MCTP2: variants seen among roughly 807,000 people sequenced by gnomAD.
MCTP2 encodes the protein multiple C2 and transmembrane domain-containing protein 2.
Under a neutral mutation model 111.6 loss-of-function variants are expected in MCTP2, and 132 were observed. The observed-to-expected ratio is 1.18, with a 90% CI of 1.03 to 1.37. MCTP2 has a LOEUF of 1.37. Ranked by LOEUF, MCTP2 falls within the 40% of genes most tolerant of loss-of-function variation. The pLI, the probability that MCTP2 is intolerant of heterozygous loss-of-function variation, is 0.00. For missense variants in MCTP2, 1,183 were observed against 1,067.9 expected, an observed-to-expected ratio of 1.11 and a Z score of -1.50; for synonymous variants, 395 against 387.7, an observed-to-expected ratio of 1.02 and a Z score of -0.22.
chr15:94,406,377 T>C (rs2081896546), intron 17 of MCTP2, among the ~76,000 whole-genome samples: 2 of 152,230 alleles, frequency 1.3e-5, no homozygotes, highest in South Asian at 4.1e-4. Context: ...CCTTCAGCTA[T>C]TCTGCCTCTC....
rs759354738 is a variant in MCTP2 at position 94,409,277 on chromosome 15, G to A, written c.2085+7258G>A. Reference sequence around the variant, plus strand: ...TGGTTGCCTCCTGCCCTTGAACATCGGACTCCGAGTTCTTCAGTTGAGGAA... The same window carrying A: ...TGGTTGCCTCCTGCCCTTGAACATCAGACTCCGAGTTCTTCAGTTGAGGAA... On this transcript the variant is annotated intron_variant, in intron 17 of 22. Transcript: ENST00000357742. 4.2e-4 allele frequency among the ~76,000 whole-genome samples: 64 copies of A among 152,054 alleles called. 1 individual carries two copies. The highest frequency in any genetic ancestry group is 1.7e-3 in the Admixed American group (26 of 15,270).
Position 94,306,714 on chromosome 15 carries a change from G to A in MCTP2, c.466-7568G>A, listed in dbSNP as rs74316373. ...ATAATCCATGAAATTCCACAATGGG[G>A]TATGTCCTTCCCTGACATTTCATTT... On this transcript the variant is annotated intron_variant, in intron 2 of 22. Coordinates refer to ENST00000357742, the MANE Select transcript of MCTP2 (RefSeq NM_001385001.1). Among the ~76,000 whole-genome samples, 1,445 of 152,274 alleles carry A rather than the reference G, an allele frequency of 9.5e-3. 33 individuals are homozygous for A. The highest frequency in any genetic ancestry group is 0.033 in the African/African-American group (1,357 of 41,528).
At chr15:94,288,396 T>C (rs753796227) in intron 1 of MCTP2, among the ~76,000 whole-genome samples, 16 of 152,194 alleles carry the variant, frequency 1.1e-4, no homozygotes, top group Non-Finnish European at 2.2e-4. Context: ...AGAATGGAGT[T>C]AATGGGTGGA....
chr15:94,362,771 A>G (rs1359200124), intron 10 of MCTP2, among the ~76,000 whole-genome samples: 2 of 152,236 alleles, frequency 1.3e-5, no homozygotes, highest in Admixed American at 1.3e-4. Flanking sequence ...CTATCATGGC[A>G]AGTAAAACTT....
chr15:94,376,851 G>A (rs1215618880), intron 12 of MCTP2, among the ~76,000 whole-genome samples: 1 of 152,098 alleles, frequency 6.6e-6, no homozygotes, highest in South Asian at 2.1e-4. Flanking sequence ...CTACTTTTGT[G>A]CTTGAATTTT....
intron 21 of MCTP2, among the ~76,000 whole-genome samples, chr15:94,472,794 A>C (rs1443844663): frequency 2.0e-5 from 3 of 152,200 alleles, no homozygotes; most frequent in Admixed American, 2.0e-4. Flanking sequence ...GCCATCCTAG[A>C]ATATATTCTG....
At chr15:94,261,786 G>A (rs934488692) in intron 1 of MCTP2, among the ~76,000 whole-genome samples, 1 of 152,094 alleles carries the variant, frequency 6.6e-6, no homozygotes, top group Non-Finnish European at 1.5e-5. Flanking sequence ...CAAAACCCCT[G>A]CTTGGCTGAT....
intron 4 of MCTP2, among the ~76,000 whole-genome samples, chr15:94,316,781 G>T (rs2076396135): frequency 6.6e-6 from 1 of 151,678 alleles, no homozygotes; most frequent in East Asian, 1.9e-4. Flanking sequence ...TTTTCTTTAT[G>T]ATATTTATTT....
intron 17 of MCTP2, among the ~76,000 whole-genome samples, chr15:94,411,284 CTT>C (rs111921100): frequency 1.8e-4 from 25 of 139,250 alleles, no homozygotes; most frequent in African/African-American, 5.3e-4. Flanking sequence ...TTTGATATTG[CTT>C]TTTTTTTTTT....
chr15:94,316,421 T>C (rs1463018347), intron 4 of MCTP2, among the ~76,000 whole-genome samples: 1 of 152,180 alleles, frequency 6.6e-6, no homozygotes, highest in African/African-American at 2.4e-5. Flanking sequence ...GAGCAGACAG[T>C]TGAGCTAGAC....
At chr15:94,281,838 A>G (rs1186291397) in intron 1 of MCTP2, among the ~76,000 whole-genome samples, 3 of 152,104 alleles carry the variant, frequency 2.0e-5, no homozygotes, top group Non-Finnish European at 1.5e-5. Flanking sequence ...TGGATATGAC[A>G]TTCTTGGTTG....
At chr15:94,478,876 G>C (rs371356414) in intron 22 of MCTP2, 90 bp from the exon 23 acceptor site, 2 of 1,054,186 alleles carry the variant, frequency 1.9e-6, no homozygotes, top group Non-Finnish European at 2.9e-6. Flanking sequence ...TCCTTCCTTT[G>C]CCTTCGGTTG....
intron 2 of MCTP2, among the ~76,000 whole-genome samples, chr15:94,312,846 G>A (rs1419461780): frequency 6.6e-6 from 1 of 152,134 alleles, no homozygotes; most frequent in African/African-American, 2.4e-5. Context: ...TTTCTCGTGG[G>A]TGCTGAAGAT....
Position 94,345,160 on chromosome 15 carries a change from G to C in MCTP2, c.1001G>C (p.Ser334Thr), listed in dbSNP as rs746383091. 1 of 1,612,048 alleles carries C rather than the reference G, an allele frequency of 6.2e-7. No homozygotes were observed. The highest frequency in any genetic ancestry group is 8.5e-7 in the Non-Finnish European group (1 of 1,178,696). ...RWSNRKRLSA[S>T]KSSLIRNLRL... ...TCAAATCGGAAGCGATTAAGTGCCA[G>C]CAAGGTAAATATACTTTTTTTTCCT... Residue 334 changes from serine to threonine, a missense_variant, in exon 8 of 23, where the codon AGC becomes ACC. By Grantham distance (58) the Ser-to-Thr change is moderately conservative. Transcript: ENST00000357742.
intron 4 of MCTP2, among the ~76,000 whole-genome samples, chr15:94,326,512 G>C (rs1276114653): frequency 6.6e-6 from 1 of 151,942 alleles, no homozygotes; most frequent in Non-Finnish European, 1.5e-5. Flanking sequence ...ACCTACTGGT[G>C]TGTGAAAGTG....
intron 1 of MCTP2, among the ~76,000 whole-genome samples, chr15:94,266,069 T>C (rs1230507731): frequency 1.4e-5 from 1 of 73,374 alleles, no homozygotes; most frequent in Non-Finnish European, 2.4e-5. Context: ...TACACGTGCA[T>C]GCGTGTGCGC....
intron 17 of MCTP2, among the ~76,000 whole-genome samples, chr15:94,410,301 G>T (rs1277305925): frequency 1.3e-5 from 2 of 152,084 alleles, no homozygotes; most frequent in Non-Finnish European, 2.9e-5. Context: ...TGCAAAGCTT[G>T]GTATTGTGTG....
chr15:94,303,305 G>C (rs928751716), intron 2 of MCTP2, among the ~76,000 whole-genome samples: 2 of 151,736 alleles, frequency 1.3e-5, no homozygotes, highest in African/African-American at 4.8e-5. Flanking sequence ...GGATGTTTGA[G>C]GGCAGGAAGC....
chr15:94,380,134 CTAGGCCG>C (rs2080047085), intron 12 of MCTP2, among the ~76,000 whole-genome samples: 1 of 152,004 alleles, frequency 6.6e-6, no homozygotes, highest in South Asian at 2.1e-4. Context: ...CCCTCTGTCC[CTAGGCCG>C]TAGCACTGTT....
Sources: gnomAD v4.1 joint callset for allele counts (sites outside exome capture counted in the v4.1 genomes callset) on GRCh38, gnomAD v4.1.1 for gene constraint, MANE v1.5 for transcripts, NCBI Gene and HGNC (gene_info 2026-07-23, HGNC 2026-07-21) for gene names.